WASF1: variants seen among roughly 807,000 people sequenced by gnomAD.
The protein encoded by WASF1 is actin-binding protein WASF1.
In WASF1, 7 loss-of-function variants were observed where a neutral mutation model predicts 50.5. The observed-to-expected ratio is 0.14, with a 90% CI of 0.08 to 0.26. The LOEUF (loss-of-function observed/expected upper bound fraction) is 0.26. WASF1 is among the 10% of genes least tolerant of loss of function. WASF1 has a pLI of 1.00. For missense variants in WASF1, 470 were observed against 694.7 expected, an observed-to-expected ratio of 0.68 and a Z score of 3.64; for synonymous variants, 205 against 244.0, an observed-to-expected ratio of 0.84 and a Z score of 1.49.
At chr6:110,116,805 C>A (rs1773833736) in intron 4 of WASF1, among the ~76,000 whole-genome samples, 2 of 152,090 alleles carry the variant, frequency 1.3e-5, no homozygotes, top group African/African-American at 4.8e-5. Flanking sequence ...AGGTGGGTGC[C>A]CCTCTGGGAT....
chr6:110,179,255 T>C (rs1584051917), intron 1 of WASF1, among the ~76,000 whole-genome samples, 184 bp downstream of exon 1: 1 of 151,338 alleles, frequency 6.6e-6, no homozygotes, highest in South Asian at 2.1e-4. Flanking sequence ...CGCTGGCGGG[T>C]GGGCGGTGGG....
At chr6:110,176,428 T>G (rs1314183653) in intron 2 of WASF1, among the ~76,000 whole-genome samples, 1 of 151,994 alleles carries the variant, frequency 6.6e-6, no homozygotes, top group African/African-American at 2.4e-5. Flanking sequence ...ATATACATTA[T>G]TAAGTATCTA....
intron 3 of WASF1, among the ~76,000 whole-genome samples, chr6:110,145,473 C>G (rs997042541): frequency 2.6e-5 from 4 of 152,116 alleles, no homozygotes; most frequent in Admixed American, 6.6e-5. Flanking sequence ...CCTGATTGCC[C>G]TGGCCAGAAC....
intron 3 of WASF1, among the ~76,000 whole-genome samples, chr6:110,142,825 A>C (rs960870455): frequency 6.6e-6 from 1 of 151,956 alleles, no homozygotes; most frequent in Non-Finnish European, 1.5e-5. Context: ...TTGCTTAATA[A>C]GGGGGAACTT....
At chr6:110,155,541 T>TG (rs1776026582) in intron 3 of WASF1, among the ~76,000 whole-genome samples, 1 of 114,640 alleles carries the variant, frequency 8.7e-6, no homozygotes, top group Non-Finnish European at 1.7e-5. Flanking sequence ...GCCTTCTTTT[T>TG]TTTTTTTTTT....
chr6:110,111,853 G>C (rs2114473035), intron 5 of WASF1, among the ~76,000 whole-genome samples: 2 of 152,204 alleles, frequency 1.3e-5, no homozygotes, highest in Middle Eastern at 6.8e-3. Context: ...ATTGATTGTG[G>C]TGACGGTTGC....
intron 3 of WASF1, among the ~76,000 whole-genome samples, chr6:110,133,004 G>C (rs191309212): frequency 1.4e-5 from 2 of 143,244 alleles, no homozygotes; most frequent in Non-Finnish European, 3.0e-5. Context: ...ATACTACACA[G>C]CCATAAAAAA....
intron 4 of WASF1, among the ~76,000 whole-genome samples, chr6:110,124,574 A>T (rs1774338567): frequency 6.6e-6 from 1 of 152,040 alleles, no homozygotes; most frequent in Non-Finnish European, 1.5e-5. Context: ...TACCTAATAC[A>T]AAACAGAATT....
chr6:110,143,925 G>A lies in WASF1; in HGVS notation c.-28-16296C>T, dbSNP rs545924609. 7.6e-3 allele frequency among the ~76,000 whole-genome samples: 1,150 copies of A among 152,224 alleles called. 8 individuals carry two copies. The highest frequency in any genetic ancestry group is 0.017 in the Middle Eastern group (5 of 294). On this transcript the variant is annotated intron_variant, in intron 3 of 10. Transcript: ENST00000392589. ...GTGAATAGTGCCGCGATAAACATAC[G>A]TGTGCATGTGTCTTTATAGCAGCAT...
At chr6:110,151,168 C>A (rs539488151) in intron 3 of WASF1, among the ~76,000 whole-genome samples, 1 of 152,298 alleles carries the variant, frequency 6.6e-6, no homozygotes, top group South Asian at 2.1e-4. Flanking sequence ...TACATACATA[C>A]AGCTTTAGTA....
chr6:110,131,676 T>C (rs1450514146), intron 3 of WASF1, among the ~76,000 whole-genome samples: 1 of 152,078 alleles, frequency 6.6e-6, no homozygotes, highest in Non-Finnish European at 1.5e-5. Flanking sequence ...GCTAATTTTG[T>C]GTATTTTTAG....
rs748704331 is a variant in WASF1, at chr6:110,178,716, G to A, written c.-245C>T. 1.3e-5 allele frequency: 2 copies of A among 152,926 alleles called. No homozygotes were observed. The highest frequency in any genetic ancestry group is 2.9e-5 in the Non-Finnish European group (2 of 68,232). The allele number at this position is 152,926 out of a possible 1,614,324, so 9.5% of individuals were successfully genotyped here. ...ATCATCCGCAAGTGCAAGAGAAGGT[G>A]TCAGAGTACCGAAGCTAGGGGGCAT... On this transcript the variant is annotated 5_prime_UTR_variant, in exon 2 of 11. Transcript: ENST00000392589.
chr6:110,118,911 A>C (rs925673092), intron 4 of WASF1, among the ~76,000 whole-genome samples: 5 of 152,214 alleles, frequency 3.3e-5, no homozygotes, highest in Admixed American at 1.3e-4. Flanking sequence ...GCACAACTAC[A>C]TGGAAACTGA....
At chr6:110,128,954 TAC>T (rs757308728) in intron 3 of WASF1, among the ~76,000 whole-genome samples, 12 of 152,148 alleles carry the variant, frequency 7.9e-5, no homozygotes, top group Non-Finnish European at 1.3e-4. Context: ...TCTGAGGTGG[TAC>T]AGTTTCATCG....
At chr6:110,149,988 A>G (rs1775753903) in intron 3 of WASF1, among the ~76,000 whole-genome samples, 1 of 152,092 alleles carries the variant, frequency 6.6e-6, no homozygotes, top group African/African-American at 2.4e-5. Flanking sequence ...TCAGCCTCCT[A>G]TTAGAGATGT....
chr6:110,110,950 C>T (rs982101382), intron 5 of WASF1, among the ~76,000 whole-genome samples: 1 of 152,022 alleles, frequency 6.6e-6, no homozygotes, highest in African/African-American at 2.4e-5. Context: ...TCCCCCACTG[C>T]TCCACAAAAT....
chr6:110,108,493 T>G, intron 6 of WASF1, 35 bp downstream of exon 6: 7 of 1,552,478 alleles, frequency 4.5e-6, no homozygotes, highest in Non-Finnish European at 6.1e-6. Flanking sequence ...AAGTCTGAGA[T>G]AAATAATAGG....
intron 4 of WASF1, among the ~76,000 whole-genome samples, chr6:110,125,248 T>C (rs1168340963): frequency 1.3e-5 from 2 of 152,214 alleles, no homozygotes; most frequent in African/African-American, 2.4e-5. Flanking sequence ...GCATGAATTA[T>C]GAAAATCAAA....
chr6:110,101,806 G>T lies in WASF1; in HGVS notation c.1304C>A (p.Pro435His). The T allele has an allele frequency of 6.2e-7, 1 of 1,614,146 alleles. No individual in the cohort carries two copies. Among genetic ancestry groups the T allele is most frequent in the South Asian group, 1.1e-5 (1 of 91,088 alleles). ...GACAGGTGATGATGGTCGAATGCCA[G>T]GTGGAGGCAGAGGAGGCGGTGGTGG... ...PPPPPPPLPP[P>H]GIRPSSPVTV... is the part of the protein sequence containing the mutation. The change falls in exon 10 of 11, where the codon CCT becomes CAT. Residue 435 changes from proline to histidine, a missense_variant. This residue lies in a region of WASF1 where 294 missense variants were observed against 343.5 expected (regional missense o/e 0.86). Transcript: ENST00000392589.
Sources: allele counts gnomAD v4.1 joint callset (sites outside exome capture counted in the v4.1 genomes callset), GRCh38; gene constraint gnomAD v4.1.1; regional missense constraint gnomAD v4.1.1; transcripts MANE v1.5; gene names NCBI Gene and HGNC (gene_info 2026-07-23, HGNC 2026-07-21).